The following EHMT1 variants were observed in gnomAD, a reference collection of about 807,000 sequenced individuals.
The protein encoded by EHMT1 is euchromatic histone lysine methyltransferase 1.
Under a neutral mutation model 147.2 loss-of-function variants are expected in EHMT1, and 15 were observed. That is an observed-to-expected ratio of 0.10 (90% CI 0.07 to 0.16). The LOEUF (loss-of-function observed/expected upper bound fraction) is 0.16. EHMT1 is among the 10% of genes least tolerant of loss of function. The pLI is 1.00. For synonymous variants in EHMT1, 795 were observed against 709.6 expected (o/e 1.12, Z -1.91); for missense variants, 1,587 against 1,772.4 (o/e 0.90, Z 1.88).
chr9:137,724,294 G>GGGAGGAGCCTCAGC (rs1946376180), intron 3 of EHMT1, among the ~76,000 whole-genome samples: 2 of 152,026 alleles, frequency 1.3e-5, no homozygotes, highest in South Asian at 4.1e-4. Context: ...CCTGCCAGGA[G>GGGAGGAGCCTCAGC]GGAGGAGCCT....
At chr9:137,623,378 C>T (rs143298987) in intron 1 of EHMT1, among the ~76,000 whole-genome samples, 7 of 151,682 alleles carry the variant, frequency 4.6e-5, no homozygotes, top group Non-Finnish European at 1.0e-4. Context: ...GTGTGGTAAG[C>T]GGTGAACTTT....
intron 23 of EHMT1, 148 bp downstream of exon 23, chr9:137,816,210 T>C (rs141980680): frequency 1.4e-6 from 1 of 729,738 alleles, no homozygotes; most frequent in Non-Finnish European, 2.4e-6. Flanking sequence ...ACCTGAGCCC[T>C]TTATCCTCTA....
At chr9:137,781,402 G>GTGTGGTGATGACGCTGGGA (rs1951534987) in intron 14 of EHMT1, among the ~76,000 whole-genome samples, 1 of 148,644 alleles carries the variant, frequency 6.7e-6, no homozygotes, top group African/African-American at 2.6e-5. Flanking sequence ...ACGCTGGGAT[G>GTGTGGTGATGACGCTGGGA]TGTGGTGATG....
chr9:137,828,800 C>G lies in EHMT1; in HGVS notation c.3541-5549C>G, dbSNP rs1955998625. ...AGTCCCCAGCCCTGGGGCCTCATGT[C>G]TGCAATGAGCCCTTGGTGGCTCTGA... On this transcript the variant is annotated intron_variant, in intron 25 of 26. Transcript: ENST00000460843. The surrounding 1 kb of genome is among the most constrained non-coding windows in gnomAD (Gnocchi z 5.3). 6.6e-6 allele frequency among the ~76,000 whole-genome samples: 1 copy of G among 152,190 alleles called. No individual in the cohort carries two copies. The highest frequency in any genetic ancestry group is 2.4e-5 in the African/African-American group (1 of 41,442).
intron 18 of EHMT1, among the ~76,000 whole-genome samples, chr9:137,810,176 G>T (rs375188685): frequency 6.7e-6 from 1 of 148,366 alleles, no homozygotes; most frequent in Admixed American, 6.7e-5. Context: ...GTCCGGAGGC[G>T]GTTCCGATGC....
At position 137,619,067 on chromosome 9, in the gene EHMT1, C is replaced by T. The variant is rs896972883; in HGVS notation, c.21+18C>T. 1 of 819,088 alleles carries T rather than the reference C, an allele frequency of 1.2e-6. No homozygotes were observed. The highest frequency in any genetic ancestry group is 1.5e-6 in the Non-Finnish European group (1 of 681,262). The allele number at this position is 819,088 out of a possible 1,614,324, so 50.7% of individuals were successfully genotyped here. On this transcript the variant is annotated intron_variant, in intron 1 of 26. Coordinates refer to ENST00000460843, the MANE Select transcript of EHMT1 (RefSeq NM_024757.5). ...ATGCCGAGGTGAGCAGCGGGGCCGG[C>T]GGGGGGCGGCGCGGGGGCGGCGGGC...
intron 15 of EHMT1, among the ~76,000 whole-genome samples, chr9:137,789,682 A>G (rs1043180142): frequency 6.6e-6 from 1 of 152,096 alleles, no homozygotes; most frequent in Admixed American, 6.5e-5. Flanking sequence ...CTTCCGGTCA[A>G]AGTCTCCTGA....
intron 1 of EHMT1, chr9:137,650,997 G>A (rs1210373924): frequency 1.3e-5 from 2 of 152,250 alleles, no homozygotes; most frequent in Non-Finnish European, 2.9e-5. Flanking sequence ...GGAGTTCGAG[G>A]CTGCGGTGAG....
intron 1 of EHMT1, among the ~76,000 whole-genome samples, chr9:137,654,488 A>T (rs1450614409): frequency 6.6e-6 from 1 of 151,986 alleles, no homozygotes; most frequent in Non-Finnish European, 1.5e-5. Context: ...TCCTTAGGCC[A>T]GTATCACAGT....
chr9:137,641,376 A>T, intron 1 of EHMT1: 1 of 517,208 alleles, frequency 1.9e-6, no homozygotes, highest in Non-Finnish European at 3.9e-6. Flanking sequence ...GTCAAAATAA[A>T]AACCTATTCT....
intron 1 of EHMT1, chr9:137,641,167 G>A (rs955330029): frequency 2.2e-5 from 9 of 411,432 alleles, no homozygotes; most frequent in Admixed American, 1.8e-4. Context: ...CTGCACCTGC[G>A]TCAGAATGGC....
rs182595609 is a variant in EHMT1 at position 137,717,069 on chromosome 9, G to C, written c.529G>C (p.Ala177Pro). ...TCCCCAGACGCCAGCCGCCCCACCA[G>C]CCACCCTTGGGGAGGGGAGTGCTGA... ...AFPQTPAAPP[A>P]TLGEGSADTE... The change falls in exon 3 of 27, where the codon GCC becomes CCC. Residue 177 changes from alanine (A) to proline (P), a missense_variant. By Grantham distance (27) the Ala-to-Pro change is conservative. Coordinates refer to ENST00000460843, the MANE Select transcript of EHMT1 (RefSeq NM_024757.5). 1.9e-5 allele frequency: 31 copies of C among 1,607,726 alleles called. No individual in the cohort carries two copies. The Admixed American group carries it at 3.2e-4, about 17-fold the overall frequency.
Position 137,813,275 on chromosome 9 carries a change from G to T in EHMT1, c.3035+102G>T. On this transcript the variant is annotated intron_variant, in intron 20 of 26. Coordinates refer to ENST00000460843, the MANE Select transcript of EHMT1 (RefSeq NM_024757.5). This position sits in a 1 kb window ranked among gnomAD's most constrained non-coding sequence, Gnocchi z 4.9. ...CCTGAAGCCGAAACATCCCCAGGCT[G>T]CAGTCCAAATTGTCAGGGCCAGGTG... is the stretch of plus-strand genomic sequence containing the variant. 1 of 1,558,134 alleles carries T rather than the reference G, an allele frequency of 6.4e-7. No individual in the cohort carries two copies. The highest frequency in any genetic ancestry group is 8.6e-7 in the Non-Finnish European group (1 of 1,157,572).
At chr9:137,743,804 C>G (rs1052856366) in intron 5 of EHMT1, 98 bp from the exon 6 acceptor site, 2 of 1,435,398 alleles carry the variant, frequency 1.4e-6, no homozygotes, top group Non-Finnish European at 1.9e-6. Flanking sequence ...CCCACAGGCC[C>G]TTGCACCTCC....
intron 4 of EHMT1, chr9:137,742,944 C>T (rs1260580261): frequency 1.5e-5 from 4 of 273,884 alleles, no homozygotes; most frequent in African/African-American, 2.3e-5. Context: ...CTCCGCGCTG[C>T]GTCCTCCCTG....
intron 18 of EHMT1, among the ~76,000 whole-genome samples, chr9:137,805,182 G>A (rs1326788051): frequency 6.6e-6 from 1 of 150,756 alleles, no homozygotes; most frequent in East Asian, 2.0e-4. Flanking sequence ...GTCCACGTGT[G>A]AGTCGTCCAC....
intron 1 of EHMT1, among the ~76,000 whole-genome samples, chr9:137,674,616 C>T (rs1424333039): frequency 1.5e-4 from 23 of 152,006 alleles, no homozygotes; most frequent in Admixed American, 7.9e-4. Flanking sequence ...GTGTGAGACC[C>T]GCATTTATAT....
At chr9:137,800,824 G>A in intron 17 of EHMT1, 56 bp from the exon 18 acceptor site, 1 of 1,536,850 alleles carries the variant, frequency 6.5e-7, no homozygotes, top group Non-Finnish European at 9.0e-7. Flanking sequence ...AGTCCTCATT[G>A]CTCTGGTGGT....
intron 1 of EHMT1, among the ~76,000 whole-genome samples, chr9:137,708,748 A>T (rs1475192416): frequency 2.0e-5 from 3 of 152,212 alleles, no homozygotes; most frequent in Non-Finnish European, 4.4e-5. Flanking sequence ...CCAGATGTCC[A>T]GGTCTGACTG....
Sources: gnomAD v4.1 joint callset for allele counts (sites outside exome capture counted in the v4.1 genomes callset) on GRCh38, gnomAD v4.1.1 for gene constraint, Gnocchi (gnomAD v3.1) non-coding constraint, MANE v1.5 for transcripts, NCBI Gene and HGNC (gene_info 2026-07-23, HGNC 2026-07-21) for gene names.